The following CDH18 variants were observed in gnomAD, a reference collection of about 807,000 sequenced individuals.
The protein encoded by CDH18 is cadherin-18.
Under a neutral mutation model 67.9 loss-of-function variants are expected in CDH18, and 31 were observed. That is an observed-to-expected ratio of 0.46 (90% CI 0.34 to 0.62). The LOEUF is 0.62. Ranked by LOEUF, CDH18 falls within the 20% of genes least tolerant of loss-of-function variation. The probability of loss-of-function intolerance (pLI) is 0.01; values close to 1 mark genes in which losing one functional copy is unlikely to be tolerated. For synonymous variants in CDH18, 362 were observed against 347.2 expected, an observed-to-expected ratio of 1.04 and a Z score of -0.48; for missense variants, 890 against 975.5, an observed-to-expected ratio of 0.91 and a Z score of 1.17.
At chr5:19,719,404 G>A (rs1765725673) in intron 5 of CDH18, among the ~76,000 whole-genome samples, 1 of 152,092 alleles carries the variant, frequency 6.6e-6, no homozygotes, top group Admixed American at 6.6e-5. Context: ...CCTCTAGGGA[G>A]ATGTGTATTT....
intron 8 of CDH18, among the ~76,000 whole-genome samples, chr5:19,560,598 T>A (rs960218322): frequency 2.1e-4 from 32 of 151,992 alleles, no homozygotes; most frequent in African/African-American, 7.7e-4. Flanking sequence ...AGAAAATGGC[T>A]TAGACAAAGA....
intron 5 of CDH18, among the ~76,000 whole-genome samples, chr5:19,704,747 A>G (rs933697930): frequency 3.3e-5 from 5 of 152,194 alleles, no homozygotes; most frequent in Non-Finnish European, 7.3e-5. Context: ...AATTAGAAAA[A>G]GGTCACATAG....
chr5:20,434,602 T>C (rs554432711), intron 1 of CDH18, among the ~76,000 whole-genome samples: 13 of 152,018 alleles, frequency 8.6e-5, no homozygotes, highest in African/African-American at 9.7e-5. Flanking sequence ...AGTTAATAAA[T>C]GGCATTTTGG....
At chr5:20,305,011 G>T (rs1736295804) in intron 1 of CDH18, 1 of 1,613,340 alleles carries the variant, frequency 6.2e-7, no homozygotes, top group Non-Finnish European at 8.5e-7. Context: ...AGCTTTACTG[G>T]AAGCAAGGCC....
At chr5:20,119,131 GGA>G (rs1491219357) in intron 2 of CDH18, among the ~76,000 whole-genome samples, 1 of 151,614 alleles carries the variant, frequency 6.6e-6, no homozygotes, top group Non-Finnish European at 1.5e-5. Flanking sequence ...TAGATTTTCT[GGA>G]AAAAAAATCC....
At chr5:19,777,278 C>T (rs1774503721) in intron 3 of CDH18, among the ~76,000 whole-genome samples, 1 of 152,098 alleles carries the variant, frequency 6.6e-6, no homozygotes, top group Non-Finnish European at 1.5e-5. Flanking sequence ...GAAACTCTGT[C>T]TCAAAAATAA....
chr5:19,542,751 T>G (rs1319400292), intron 9 of CDH18, among the ~76,000 whole-genome samples: 1 of 152,070 alleles, frequency 6.6e-6, no homozygotes, highest in African/African-American at 2.4e-5. Context: ...CTTCCTGAAT[T>G]AAGGTGAAAG....
intron 5 of CDH18, among the ~76,000 whole-genome samples, chr5:19,710,252 T>TA (rs1420905930): frequency 3.9e-5 from 6 of 152,108 alleles, no homozygotes; most frequent in Non-Finnish European, 7.4e-5. Context: ...ATAAGACAAT[T>TA]AAAAAACCAT....
At chr5:19,945,062 G>C (rs767596411) in intron 2 of CDH18, among the ~76,000 whole-genome samples, 3 of 152,126 alleles carry the variant, frequency 2.0e-5, no homozygotes, top group Non-Finnish European at 1.5e-5. Flanking sequence ...CATTCATGGT[G>C]GTGGTAAGGC....
intron 5 of CDH18, among the ~76,000 whole-genome samples, chr5:19,661,761 T>C (rs1291491928): frequency 1.3e-5 from 2 of 152,052 alleles, no homozygotes; most frequent in African/African-American, 4.8e-5. Context: ...AAATGAAACC[T>C]TTCTAAGAGC....
chr5:20,463,203 A>C (rs1295171322), intron 1 of CDH18, among the ~76,000 whole-genome samples: 1 of 142,716 alleles, frequency 7.0e-6, no homozygotes, highest in Admixed American at 6.9e-5. Flanking sequence ...GGCATTATAC[A>C]TTTGAACTCA....
chr5:20,446,948 T>A (rs1750049395), intron 1 of CDH18, among the ~76,000 whole-genome samples: 3 of 152,198 alleles, frequency 2.0e-5, no homozygotes, highest in Non-Finnish European at 4.4e-5. Context: ...TGTAATTTGT[T>A]AGTAGAAAAT....
intron 2 of CDH18, among the ~76,000 whole-genome samples, chr5:19,939,312 A>G (rs1794597207): frequency 6.6e-6 from 1 of 151,660 alleles, no homozygotes; most frequent in Non-Finnish European, 1.5e-5. Context: ...GGTTAATGGC[A>G]TAATTTTAAA....
rs376876959 is a variant in CDH18 at position 20,023,588 on chromosome 5, G to A, written c.-517-31574C>T. 5.5e-4 allele frequency among the ~76,000 whole-genome samples: 82 copies of A among 149,396 alleles called. 2 individuals are homozygous for A. The East Asian group carries it at 0.011, about 20-fold the overall frequency. The stretch of plus-strand genomic sequence containing the variant: ...GCAGGAGAATGGCGTGAACCCGGGA[G>A]GCGGAGTTTGTAGTTAGCCGAGATC... On this transcript the variant is annotated intron_variant, in intron 2 of 14. Coordinates refer to the CDH18 transcript ENST00000507958.
In CDH18 at chr5:20,132,946, G is replaced by A. The variant is rs1158911809; in HGVS notation, c.-518+122498C>T. Among the ~76,000 whole-genome samples the A allele has an allele frequency of 2.6e-5, 4 of 151,930 alleles. No homozygotes were observed. The East Asian group carries it at 7.7e-4, about 29-fold the overall frequency. On this transcript the variant is annotated intron_variant, in intron 2 of 14. Coordinates refer to the CDH18 transcript ENST00000507958. ...CAGAACTTTTTTTTATTACTAGGCA[G>A]TCTGACAGTCTGCAGATTTAAGAGA...
chr5:19,488,533 A>G (rs986294659), intron 11 of CDH18, among the ~76,000 whole-genome samples: 1 of 152,172 alleles, frequency 6.6e-6, no homozygotes, highest in Non-Finnish European at 1.5e-5. Context: ...ACAAATCAAT[A>G]GGCATGGTTT....
chr5:20,437,031 C>T (rs1472100005), intron 1 of CDH18, among the ~76,000 whole-genome samples: 1 of 148,970 alleles, frequency 6.7e-6, no homozygotes, highest in Non-Finnish European at 1.5e-5. Context: ...TAAAATATTT[C>T]CAGAAGATAC....
intron 1 of CDH18, among the ~76,000 whole-genome samples, chr5:20,397,278 G>A (rs149048343): frequency 0.078 from 11,771 of 151,722 alleles, 694 homozygotes; most frequent in East Asian, 0.24. Flanking sequence ...TTACAGGTGC[G>A]CACCACCACG....
intron 1 of CDH18, among the ~76,000 whole-genome samples, chr5:20,329,528 C>T (rs1738953922): frequency 6.6e-6 from 1 of 151,780 alleles, no homozygotes; most frequent in South Asian, 2.1e-4. Flanking sequence ...TTTGGGAGGC[C>T]GAGGCAGGCG....
Sources: gnomAD v4.1 joint callset for allele counts (sites outside exome capture counted in the v4.1 genomes callset) on GRCh38, gnomAD v4.1.1 for gene constraint, MANE v1.5 for transcripts, NCBI Gene and HGNC (gene_info 2026-07-23, HGNC 2026-07-21) for gene names.